The following CDH2 variants were observed in gnomAD, a reference collection of about 807,000 sequenced individuals.
CDH2 encodes cadherin-2.
CDH2 carries 17 observed loss-of-function variants against 92.0 expected under a neutral mutation model. The ratio of observed to expected loss-of-function variants is 0.18; its 90% CI spans 0.13 to 0.28. The LOEUF (loss-of-function observed/expected upper bound fraction) is 0.28, where lower values mean the gene tolerates loss of function less well. CDH2 is among the 10% of genes least tolerant of loss of function. CDH2 has a pLI of 1.00. For synonymous variants in CDH2, 419 were observed against 415.9 expected (o/e 1.01, Z -0.09); for missense variants, 862 against 1,133.1 (o/e 0.76, Z 3.44).
intron 2 of CDH2, among the ~76,000 whole-genome samples, chr18:28,110,242 A>G (rs746932046): frequency 1.4e-4 from 22 of 152,208 alleles, no homozygotes; most frequent in Non-Finnish European, 2.6e-4. Context: ...AGTTGCAGCC[A>G]AAGACTAACA....
intron 13 of CDH2, among the ~76,000 whole-genome samples, 194 bp downstream of exon 13, chr18:27,984,806 C>T (rs1232897037): frequency 6.6e-6 from 1 of 152,214 alleles, no homozygotes; most frequent in African/African-American, 2.4e-5. Context: ...TTGCAAACAT[C>T]AAGTGCTTGA....
intron 2 of CDH2, among the ~76,000 whole-genome samples, chr18:28,075,229 G>GT (rs1286736543): frequency 6.6e-6 from 1 of 152,148 alleles, no homozygotes; most frequent in East Asian, 1.9e-4. Context: ...TGTGATAGAG[G>GT]TATGTCCAGA....
chr18:28,112,057 G>A (rs1216491137), intron 2 of CDH2, among the ~76,000 whole-genome samples: 1 of 152,114 alleles, frequency 6.6e-6, no homozygotes, highest in South Asian at 2.1e-4. Flanking sequence ...CAATGAGCCC[G>A]ACAGACAATT....
rs773921610 is a variant in CDH2 at position 27,992,697 on chromosome 18, C to T, written c.1302G>A (p.Gln434=). The T allele has an allele frequency of 5.0e-6, 8 of 1,613,788 alleles. No individual in the cohort carries two copies. In the East Asian group the frequency reaches 1.3e-4, roughly 27 times the overall value. ...ACCCGTCGTTGCTGTTTGGGTCGGT[C>T]TGGATGGCGAACCGTCCAGTAGGAT... ...GGDPTGRFAI[Q]TDPNSNDGLV... Residue 434 remains glutamine, a synonymous_variant, in exon 9 of 16, where the codon CAG becomes CAA. Coordinates refer to ENST00000269141, the MANE Select transcript of CDH2 (RefSeq NM_001792.5).
intron 2 of CDH2, among the ~76,000 whole-genome samples, chr18:28,102,871 T>A (rs1334414067): frequency 6.6e-6 from 1 of 151,634 alleles, no homozygotes; most frequent in Non-Finnish European, 1.5e-5. Context: ...ATGCTAAATA[T>A]CTAGGAATCC....
intron 15 of CDH2, among the ~76,000 whole-genome samples, chr18:27,953,978 A>G (rs1909589575): frequency 6.6e-6 from 1 of 152,186 alleles, no homozygotes; most frequent in Non-Finnish European, 1.5e-5. Flanking sequence ...GACTCACGTC[A>G]AAAATCAGAG....
At chr18:27,961,465 A>G (rs887948979) in intron 15 of CDH2, among the ~76,000 whole-genome samples, 11 of 152,080 alleles carry the variant, frequency 7.2e-5, no homozygotes, top group Non-Finnish European at 1.3e-4. Context: ...CTGAATCCTG[A>G]AGGCGAAGTG....
At chr18:28,121,623 T>C (rs905694043) in intron 2 of CDH2, among the ~76,000 whole-genome samples, 9 of 152,100 alleles carry the variant, frequency 5.9e-5, no homozygotes, top group Non-Finnish European at 1.3e-4. Flanking sequence ...CAATTCAAAT[T>C]CTTTATCACT....
chr18:28,064,593 G>C (rs1033525722), intron 2 of CDH2, among the ~76,000 whole-genome samples: 2 of 151,766 alleles, frequency 1.3e-5, no homozygotes, highest in Admixed American at 1.3e-4. Flanking sequence ...AGAATGATGG[G>C]GATGAATGGA....
intron 2 of CDH2, among the ~76,000 whole-genome samples, chr18:28,019,477 G>C (rs2013349103): frequency 6.6e-6 from 1 of 152,064 alleles, no homozygotes; most frequent in African/African-American, 2.4e-5. Context: ...TATTAATGTT[G>C]TACTGTTACT....
intron 6 of CDH2, among the ~76,000 whole-genome samples, chr18:27,934,041 A>G (rs1169443404): frequency 1.3e-5 from 2 of 152,242 alleles, no homozygotes. Flanking sequence ...CAACTGTGAA[A>G]TAGTGAGATG....
At chr18:28,000,709 T>C (rs905381225) in intron 7 of CDH2, among the ~76,000 whole-genome samples, 1 of 152,070 alleles carries the variant, frequency 6.6e-6, no homozygotes, top group Admixed American at 6.6e-5. Context: ...AAATACACCT[T>C]TAGGTCTGGA....
chr18:28,129,658 T>G (rs2015733454), intron 2 of CDH2, among the ~76,000 whole-genome samples: 1 of 152,118 alleles, frequency 6.6e-6, no homozygotes, highest in African/African-American at 2.4e-5. Context: ...TGAGCTTCTG[T>G]CTCTACAAAA....
At chr18:27,941,565 C>A (rs1457347334) in intron 6 of CDH2, among the ~76,000 whole-genome samples, 2 of 152,142 alleles carry the variant, frequency 1.3e-5, no homozygotes, top group African/African-American at 2.4e-5. Context: ...ATATTTGCTT[C>A]TATGCCCTGT....
chr18:28,169,529 C>T (rs1018496348), intron 1 of CDH2, among the ~76,000 whole-genome samples: 2 of 152,186 alleles, frequency 1.3e-5, no homozygotes, highest in East Asian at 1.9e-4. Flanking sequence ...CATTAAGTAA[C>T]ATATCAGAAT....
At chr18:28,046,847 G>A (rs17446064) in intron 2 of CDH2, among the ~76,000 whole-genome samples, 3,686 of 152,264 alleles carry the variant, frequency 0.024, 64 homozygotes, top group East Asian at 0.053. Flanking sequence ...AGATTTCACT[G>A]ATGTTCAATT....
chr18:28,036,487 A>T (rs1944294), intron 2 of CDH2: 285,327 of 1,580,276 alleles, frequency 0.18, 28,182 homozygotes, highest in Admixed American at 0.31. Flanking sequence ...GAAAACATAC[A>T]ATTCTGCTTG....
At chr18:27,969,119 G>A (rs992144615) in intron 14 of CDH2, among the ~76,000 whole-genome samples, 1 of 152,156 alleles carries the variant, frequency 6.6e-6, no homozygotes, top group African/African-American at 2.4e-5. Flanking sequence ...CAGGTGAAAC[G>A]ATGTGGAAAA....
chr18:27,949,417 G>A (rs1050379403), downstream of CDH2, among the ~76,000 whole-genome samples: 3 of 151,870 alleles, frequency 2.0e-5, no homozygotes, highest in Non-Finnish European at 2.9e-5. Context: ...GTTTACTGTG[G>A]CATTGTTTTT....
Sources: gnomAD v4.1 joint callset for allele counts (sites outside exome capture counted in the v4.1 genomes callset) on GRCh38, gnomAD v4.1.1 for gene constraint, MANE v1.5 for transcripts, NCBI Gene and HGNC (gene_info 2026-07-23, HGNC 2026-07-21) for gene names.